ANKS1B: variants seen among roughly 807,000 people sequenced by gnomAD.
ANKS1B encodes ankyrin repeat and sterile alpha motif domain-containing protein 1B.
Under a neutral mutation model 148.3 loss-of-function variants are expected in ANKS1B, and 36 were observed. The observed-to-expected ratio is 0.24, with a 90% CI of 0.19 to 0.32. The LOEUF is 0.32. ANKS1B is among the 10% of genes least tolerant of loss of function. ANKS1B has a pLI of 1.00. For missense variants in ANKS1B, 1,157 were observed against 1,542.6 expected, an observed-to-expected ratio of 0.75 and a Z score of 4.19; for synonymous variants, 542 against 560.8, an observed-to-expected ratio of 0.97 and a Z score of 0.47.
intron 17 of ANKS1B, among the ~76,000 whole-genome samples, chr12:98,891,939 C>T (rs1221816786): frequency 1.3e-5 from 2 of 152,142 alleles, no homozygotes; most frequent in Non-Finnish European, 2.9e-5. Flanking sequence ...TAAATATTAA[C>T]CAAGTCTAAG....
At chr12:98,912,340 T>C (rs530075620) in intron 17 of ANKS1B, among the ~76,000 whole-genome samples, 1 of 152,320 alleles carries the variant, frequency 6.6e-6, no homozygotes, top group Admixed American at 6.5e-5. Context: ...ACCAGAGAAG[T>C]AGCTGCACTG....
At chr12:99,366,821 G>A (rs936099610) in intron 12 of ANKS1B, among the ~76,000 whole-genome samples, 4 of 151,812 alleles carry the variant, frequency 2.6e-5, no homozygotes, top group African/African-American at 9.7e-5. Flanking sequence ...AGCAATAATG[G>A]AAAAGATTGA....
chr12:99,774,072 A>T (rs2063436620), intron 7 of ANKS1B, among the ~76,000 whole-genome samples: 2 of 152,084 alleles, frequency 1.3e-5, no homozygotes, highest in South Asian at 2.1e-4. Context: ...TAGGGAAAAA[A>T]CTTGATATTT....
intron 17 of ANKS1B, among the ~76,000 whole-genome samples, chr12:98,862,574 A>G (rs569100413): frequency 1.3e-5 from 2 of 152,342 alleles, no homozygotes; most frequent in South Asian, 4.1e-4. Flanking sequence ...AATTTCATCA[A>G]TAAATTCAAA....
At chr12:99,680,629 C>T (rs1045292320) in intron 8 of ANKS1B, among the ~76,000 whole-genome samples, 3 of 152,026 alleles carry the variant, frequency 2.0e-5, no homozygotes, top group Admixed American at 6.6e-5. Flanking sequence ...TGGGCAGAAT[C>T]GGGGGAGGGG....
chr12:99,480,461 T>C (rs1295128705), intron 10 of ANKS1B, among the ~76,000 whole-genome samples: 1 of 151,922 alleles, frequency 6.6e-6, no homozygotes, highest in Non-Finnish European at 1.5e-5. Flanking sequence ...CATGTTGTGA[T>C]AGATACTAAT....
chr12:99,392,052 GATGTAATCTCGCATC>G (rs1438769182), intron 12 of ANKS1B, among the ~76,000 whole-genome samples: 1 of 152,242 alleles, frequency 6.6e-6, no homozygotes, highest in Non-Finnish European at 1.5e-5. Context: ...AGGTCCCAAA[GATGTAATCTCGCATC>G]ATCCTCTCTA....
Position 99,347,224 on chromosome 12 carries a change from C to T in ANKS1B, c.1756+52407G>A, listed in dbSNP as rs184436927. Among the ~76,000 whole-genome samples the T allele has an allele frequency of 3.4e-4, 52 of 152,032 alleles. 1 individual carries two copies. The East Asian group carries it at 8.9e-3, about 26-fold the overall frequency. On this transcript the variant is annotated intron_variant, in intron 12 of 26. Transcript: ENST00000683438. ...ATAGCAAATCAACCAGCCACTGCTA[C>T]GCCCATGAGACAAAGAATATTAGAT...
At chr12:98,820,855 T>C (rs1411073822) in intron 19 of ANKS1B, among the ~76,000 whole-genome samples, 2 of 152,294 alleles carry the variant, frequency 1.3e-5, no homozygotes, top group Non-Finnish European at 2.9e-5. Flanking sequence ...GCTTACAAGC[T>C]GGAAAACAGA....
intron 14 of ANKS1B, among the ~76,000 whole-genome samples, chr12:99,207,656 A>T (rs530672361): frequency 6.6e-6 from 1 of 152,100 alleles, no homozygotes; most frequent in South Asian, 2.1e-4. Flanking sequence ...ACTAAGGGTT[A>T]AAAATTCCAA....
At chr12:99,458,778 C>T (rs12307366) in intron 10 of ANKS1B, among the ~76,000 whole-genome samples, 7,200 of 151,188 alleles carry the variant, frequency 0.048, 405 homozygotes, top group African/African-American at 0.14. Context: ...AAAAAGTTAC[C>T]GAGAAAAAAA....
intron 8 of ANKS1B, among the ~76,000 whole-genome samples, chr12:99,701,412 T>C (rs1246463376): frequency 6.6e-6 from 1 of 152,124 alleles, no homozygotes; most frequent in Non-Finnish European, 1.5e-5. Context: ...TATGGGTACA[T>C]AGTAGGTGTA....
chr12:99,881,303 C>G (rs57845922), intron 1 of ANKS1B, among the ~76,000 whole-genome samples: 8,206 of 152,260 alleles, frequency 0.054, 720 homozygotes, highest in African/African-American at 0.19. Context: ...TTTCATGCCT[C>G]AGTCTCCAGG....
intron 10 of ANKS1B, among the ~76,000 whole-genome samples, chr12:99,444,694 G>T (rs912841961): frequency 6.6e-6 from 1 of 151,886 alleles, no homozygotes; most frequent in Non-Finnish European, 1.5e-5. Context: ...GAAAACTGCT[G>T]CAAGCTCAAA....
intron 9 of ANKS1B, among the ~76,000 whole-genome samples, chr12:99,523,222 A>G (rs1277772627): frequency 6.6e-6 from 1 of 152,204 alleles, no homozygotes; most frequent in Non-Finnish European, 1.5e-5. Context: ...AGGAGAGGCA[A>G]AGACCAAATG....
chr12:99,128,488 A>T (rs1459177757), intron 15 of ANKS1B, among the ~76,000 whole-genome samples: 2 of 152,158 alleles, frequency 1.3e-5, no homozygotes, highest in South Asian at 2.1e-4. Flanking sequence ...TCCTATTAGA[A>T]TGCTGTGTGT....
At chr12:99,016,850 C>T (rs1417940925) in intron 17 of ANKS1B, among the ~76,000 whole-genome samples, 1 of 152,154 alleles carries the variant, frequency 6.6e-6, no homozygotes, top group Non-Finnish European at 1.5e-5. Flanking sequence ...GGGTTCTTGC[C>T]TCTCCCCTTG....
At chr12:99,660,438 A>G (rs1351321490) in intron 8 of ANKS1B, among the ~76,000 whole-genome samples, 1 of 140,596 alleles carries the variant, frequency 7.1e-6, no homozygotes, top group East Asian at 2.1e-4. Flanking sequence ...ATCTCTGCTC[A>G]CTGCAGCCTC....
At position 98,926,465 on chromosome 12, in the gene ANKS1B, T is replaced by C. The variant is rs143067685; in HGVS notation, c.2779-94329A>G. On this transcript the variant is annotated intron_variant, in intron 17 of 26. Transcript: ENST00000683438. ...GCCACACTATATTCCTTAAAATGTA[T>C]AGCATTCAACAAGAAGTTAGGAGAC... 1.8e-4 allele frequency among the ~76,000 whole-genome samples: 28 copies of C among 152,188 alleles called. No individual in the cohort carries two copies. In the East Asian group the frequency reaches 5.2e-3, roughly 28 times the overall value.
Sources: allele counts gnomAD v4.1 joint callset (sites outside exome capture counted in the v4.1 genomes callset), GRCh38; gene constraint gnomAD v4.1.1; transcripts MANE v1.5; gene names NCBI Gene and HGNC (gene_info 2026-07-23, HGNC 2026-07-21).